MFN2: variants seen among roughly 807,000 people sequenced by gnomAD.
MFN2 encodes the protein mitofusin-2.
In MFN2, 43 loss-of-function variants were observed where a neutral mutation model predicts 87.5. That is an observed-to-expected ratio of 0.49 (90% CI 0.38 to 0.63). The LOEUF is 0.63. Among genes scored for constraint, MFN2 ranks in the 30% least tolerant of loss-of-function variants. The pLI is 0.00. For synonymous variants in MFN2, 337 were observed against 359.9 expected (o/e 0.94, Z 0.72); for missense variants, 743 against 972.8 (o/e 0.76, Z 3.14).
rs921137913 is a variant in MFN2, at chr1:12,003,900, G to C, written c.1161-92G>C. The C allele has an allele frequency of 1.5e-5, 23 of 1,536,428 alleles. No individual in the cohort carries two copies. Among genetic ancestry groups the C allele is most frequent in the Middle Eastern group, 4.0e-4 (2 of 5,048 alleles). On this transcript the variant is annotated intron_variant, in intron 11 of 18. Transcript: ENST00000235329. The surrounding 1 kb of genome is among the most constrained non-coding windows in gnomAD (Gnocchi z 4.1). Reference sequence around the variant, plus strand: ...GTGCAGCCCTGCCAGGCAAGATAGCGGGCAGGGCGGCGTGGGATTTCTGGC... The same window carrying C: ...GTGCAGCCCTGCCAGGCAAGATAGCCGGCAGGGCGGCGTGGGATTTCTGGC...
chr1:12,013,127 G>T lies in MFN2; in HGVS notation c.*1562G>T. 2.9e-6 allele frequency: 1 copy of T among 348,986 alleles called. No homozygotes were observed. 21.6% of individuals were successfully genotyped at this position (348,986 alleles called of 1,614,324 possible). ...GCGTGTGCCGGGCCTGAATGGACAG[G>T]GGCCACTTCACAGCATGTCAGGGAA... is the stretch of plus-strand genomic sequence containing the variant. On this transcript the variant is annotated 3_prime_UTR_variant, in exon 19 of 19. Coordinates refer to ENST00000235329, the MANE Select transcript of MFN2 (RefSeq NM_014874.4).
intron 15 of MFN2, among the ~76,000 whole-genome samples, chr1:12,006,137 C>A (rs533387304): frequency 6.9e-6 from 1 of 144,568 alleles, no homozygotes; most frequent in African/African-American, 2.6e-5. Flanking sequence ...ATGACAGATG[C>A]TAGTATTTTT....
At chr1:11,986,126 G>A (rs1638394322) in intron 2 of MFN2, among the ~76,000 whole-genome samples, 1 of 152,178 alleles carries the variant, frequency 6.6e-6, no homozygotes, top group Non-Finnish European at 1.5e-5. Context: ...TCCCTATCCC[G>A]CTTTGGGTCG....
In MFN2 at chr1:11,991,460, C is replaced by T. The variant is rs1048079821; in HGVS notation, c.176-1095C>T. ...GGCCAAGTGAGAATGAGCCACGCTG[C>T]CCCAAGGCAGTGTAGTGTGTCAGTT... is the stretch of plus-strand genomic sequence containing the variant. On this transcript the variant is annotated intron_variant, in intron 3 of 18. Coordinates refer to ENST00000235329, the MANE Select transcript of MFN2 (RefSeq NM_014874.4). Among the ~76,000 whole-genome samples the T allele has an allele frequency of 3.3e-5, 5 of 152,158 alleles. No homozygotes were observed. In the East Asian group the frequency reaches 7.7e-4, roughly 23 times the overall value.
In MFN2 at chr1:12,007,047, C is replaced by T; in HGVS notation, c.1873-6C>T. 6.2e-7 allele frequency: 1 copy of T among 1,613,294 alleles called. No individual in the cohort carries two copies. The highest frequency in any genetic ancestry group is 1.1e-5 in the South Asian group (1 of 91,042). On this transcript the variant is annotated splice_polypyrimidine_tract_variant and splice_region_variant and intron_variant, in intron 16 of 18. Transcript: ENST00000235329. ...CTGCACTCCAGGCTGACCATGTGCT[C>T]TGCAGGTGTGGAAGGCAGTGGGCTG...
rs1210700613 is a variant in MFN2, at chr1:12,004,321, A to G, written c.1288-188A>G. The stretch of plus-strand genomic sequence containing the variant: ...TTCCCTTTCCTCTGGACCTCCACAG[A>G]TCATGTGGGCGTTTGATCAGCCAGT... On this transcript the variant is annotated intron_variant, in intron 12 of 18. Transcript: ENST00000235329. This position sits in a 1 kb window ranked among gnomAD's most constrained non-coding sequence, Gnocchi z 4.2. Among the ~76,000 whole-genome samples, 2 of 152,110 alleles carry G rather than the reference A, an allele frequency of 1.3e-5. No homozygotes were observed. The highest frequency in any genetic ancestry group is 4.8e-5 in the African/African-American group (2 of 41,418).
chr1:12,011,624 T>C lies in MFN2; in HGVS notation c.*59T>C, dbSNP rs1639704242. 3.2e-6 allele frequency: 5 copies of C among 1,576,638 alleles called. No homozygotes were observed. The East Asian group carries it at 9.0e-5, about 28-fold the overall frequency. On this transcript the variant is annotated 3_prime_UTR_variant, in exon 19 of 19. Transcript: ENST00000235329. ...GCGGTGCTGCCAGCCCTAAGTGCCA[T>C]GTGGGCTCCCCCAGGGGCACGTGTG...
rs529733114 is a variant in MFN2 at position 12,004,413 on chromosome 1, A to G, written c.1288-96A>G. The G allele has an allele frequency of 1.3e-4, 141 of 1,123,770 alleles. No individual in the cohort carries two copies. In the African/African-American group the frequency reaches 2.0e-3, roughly 16 times the overall value. The allele number at this position is 1,123,770 out of a possible 1,614,324, so 69.6% of individuals were successfully genotyped here. A position where few individuals can be genotyped will look rare whatever the true frequency, so the allele number is the denominator to read the frequency against. On this transcript the variant is annotated intron_variant, in intron 12 of 18. Coordinates refer to ENST00000235329, the MANE Select transcript of MFN2 (RefSeq NM_014874.4). The surrounding 1 kb of genome is among the most constrained non-coding windows in gnomAD (Gnocchi z 4.2). ...GAGCTGAGGAGGCTGCTGGTTTGAGAGGAAGGATGTGCCATCTGCTAGGAT... is the reference window on the plus strand; with the variant it reads ...GAGCTGAGGAGGCTGCTGGTTTGAGGGGAAGGATGTGCCATCTGCTAGGAT...
intron 4 of MFN2, among the ~76,000 whole-genome samples, chr1:11,994,498 G>C (rs1638826782): frequency 6.6e-6 from 1 of 152,072 alleles, no homozygotes; most frequent in Admixed American, 6.6e-5. Context: ...GCTGAGGCAG[G>C]AGAATGGCAT....
intron 2 of MFN2, among the ~76,000 whole-genome samples, chr1:11,988,420 T>TG: frequency 6.6e-6 from 1 of 150,720 alleles, no homozygotes; most frequent in East Asian, 2.0e-4. Context: ...TTTTTTTTTT[T>TG]AAATAGAGAC....
intron 3 of MFN2, among the ~76,000 whole-genome samples, chr1:11,990,841 C>T (rs1246289792): frequency 6.6e-6 from 1 of 152,188 alleles, no homozygotes; most frequent in Non-Finnish European, 1.5e-5. Context: ...AATATTGATG[C>T]ATCTGGGGCA....
chr1:12,004,083 C>G lies in MFN2; in HGVS notation c.1252C>G (p.Arg418Gly). Residue 418 changes from arginine to glycine, a missense_variant, in exon 12 of 19, where the codon CGA becomes GGA. Transcript: ENST00000235329. This position sits in a 1 kb window ranked among gnomAD's most constrained non-coding sequence, Gnocchi z 4.2. ...GCTCTTGGCTCAAGACTATAAGCTG[C>G]GAATTAAGCAGATTACGGAGGAAGT... ...LELLAQDYKLRIKQITEEVER... is the reference protein window; with the variant it reads ...LELLAQDYKLGIKQITEEVER... 1.2e-6 allele frequency: 2 copies of G among 1,614,070 alleles called. No individual in the cohort carries two copies. Among genetic ancestry groups the G allele is most frequent in the Admixed American group, 1.7e-5 (1 of 60,006 alleles).
intron 8 of MFN2, among the ~76,000 whole-genome samples, chr1:11,999,351 G>A (rs1304584901): frequency 6.6e-6 from 1 of 152,292 alleles, no homozygotes; most frequent in East Asian, 1.9e-4. Flanking sequence ...TGCATCTTCA[G>A]TGCCGGTGCT....
intron 2 of MFN2, among the ~76,000 whole-genome samples, chr1:11,988,129 G>T (rs1452693482): frequency 3.3e-5 from 5 of 150,602 alleles, no homozygotes; most frequent in Non-Finnish European, 5.9e-5. Flanking sequence ...TTGAGACTTG[G>T]TCTGGCTCTG....
chr1:12,007,829 T>C (rs942030864), intron 17 of MFN2, among the ~76,000 whole-genome samples: 2 of 151,948 alleles, frequency 1.3e-5, no homozygotes, highest in Non-Finnish European at 2.9e-5. Flanking sequence ...AGGACAATAG[T>C]GGAGGGAAGG....
At chr1:11,997,242 TCTC>T (rs1421736572) in intron 5 of MFN2, 52 bp from the exon 6 acceptor site, 27 of 1,611,432 alleles carry the variant, frequency 1.7e-5, no homozygotes, top group South Asian at 3.3e-5. Context: ...GCACAGGAAA[TCTC>T]CTGGCCTGGT....
chr1:12,009,935 C>G (rs1012584005), intron 18 of MFN2, among the ~76,000 whole-genome samples: 1 of 152,200 alleles, frequency 6.6e-6, no homozygotes, highest in Non-Finnish European at 1.5e-5. Flanking sequence ...AGGTAGATCA[C>G]CTGAGGTCAG....
rs3766741 is a variant in MFN2 at position 12,011,376 on chromosome 1, C to G, written c.2205-120C>G. 79,459 of 1,046,330 alleles carry G rather than the reference C, an allele frequency of 0.076. 3,715 individuals are homozygous for G. The highest frequency in any genetic ancestry group is 0.15 in the East Asian group (6,111 of 40,466). 64.8% of individuals were successfully genotyped at this position (1,046,330 alleles called of 1,614,324 possible). On this transcript the variant is annotated intron_variant, in intron 18 of 18. Transcript: ENST00000235329. ...CCCATCTGTGAGACAGGGATAAACA[C>G]GATTGTTGGAGGATGATGTAAGGGT...
intron 2 of MFN2, among the ~76,000 whole-genome samples, chr1:11,987,097 G>T (rs1489349164): frequency 2.0e-5 from 3 of 152,024 alleles, no homozygotes; most frequent in Non-Finnish European, 4.4e-5. Context: ...ATCACTTGAG[G>T]TCAGGAGTTT....
Sources: allele counts gnomAD v4.1 joint callset (sites outside exome capture counted in the v4.1 genomes callset), GRCh38; gene constraint gnomAD v4.1.1; non-coding constraint Gnocchi (gnomAD v3.1); transcripts MANE v1.5; gene names NCBI Gene and HGNC (gene_info 2026-07-23, HGNC 2026-07-21).